Variants in PCDHA11 observed in about 807,000 individuals in gnomAD.
PCDHA11 encodes protocadherin alpha 11.
In PCDHA11, 61 loss-of-function variants were observed where a neutral mutation model predicts 70.3. That is an observed-to-expected ratio of 0.87 (90% CI 0.71 to 1.07). The LOEUF is 1.07. Among genes scored for constraint, PCDHA11 ranks in the 50% least tolerant of loss-of-function variants. The pLI, the probability that PCDHA11 is intolerant of heterozygous loss-of-function variation, is 0.00. For missense variants in PCDHA11, 1,324 were observed against 1,237.5 expected (o/e 1.07, Z -1.05); for synonymous variants, 633 against 555.1 (o/e 1.14, Z -1.97).
At chr5:141,001,455 G>T (rs2098019131) in intron 3 of PCDHA11, among the ~76,000 whole-genome samples, 1 of 152,210 alleles carries the variant, frequency 6.6e-6, no homozygotes, top group Non-Finnish European at 1.5e-5. Flanking sequence ...ACTGTCAATT[G>T]AAGGACTAAG....
intron 3 of PCDHA11, among the ~76,000 whole-genome samples, chr5:141,008,123 G>A (rs1437358425): frequency 6.6e-6 from 1 of 152,144 alleles, no homozygotes; most frequent in East Asian, 1.9e-4. Context: ...GTTTCAAGAA[G>A]GGGATGACAA....
intron 1 of PCDHA11, among the ~76,000 whole-genome samples, chr5:140,925,484 T>C (rs1178019565): frequency 6.6e-6 from 1 of 152,066 alleles, no homozygotes; most frequent in Admixed American, 6.6e-5. Flanking sequence ...CTCATAGAAC[T>C]GATCACTGTC....
At chr5:140,986,213 C>T (rs1554247816) in intron 3 of PCDHA11, among the ~76,000 whole-genome samples, 2 of 152,208 alleles carry the variant, frequency 1.3e-5, no homozygotes, top group Non-Finnish European at 2.9e-5. Context: ...TTACTGGCCC[C>T]TTTCTCTAGC....
At chr5:140,873,816 A>G (rs1419963733) in intron 1 of PCDHA11, among the ~76,000 whole-genome samples, 3 of 151,528 alleles carry the variant, frequency 2.0e-5, no homozygotes, top group East Asian at 3.9e-4. Context: ...ATGCACCACC[A>G]CTCCTGGCTA....
At chr5:140,923,480 C>G (rs1554201462) in intron 1 of PCDHA11, among the ~76,000 whole-genome samples, 1 of 152,064 alleles carries the variant, frequency 6.6e-6, no homozygotes, top group African/African-American at 2.4e-5. Context: ...AGTGAGCCAT[C>G]TTCACACCAC....
In PCDHA11 at chr5:140,869,562, A is replaced by G. The variant is rs373044645; in HGVS notation, c.459A>G (p.Pro153=). The G allele has an allele frequency of 8.1e-6, 13 of 1,614,050 alleles. No homozygotes were observed. Among genetic ancestry groups the G allele is most frequent in the South Asian group, 2.2e-5 (2 of 91,092 alleles). Residue 153 remains proline, a synonymous_variant, in exon 1 of 4, where the codon CCA becomes CCG. Transcript: ENST00000398640. ...CTAAGCAATCGGACTCGCGTTTTCC[A>G]CTAGAGGGAGCTTCTGATGCTGACA... The part of the protein sequence containing the change: ...AESKQSDSRF[P]LEGASDADIE...
In PCDHA11 at chr5:140,869,225, A is replaced by G. The variant is rs2050944514; in HGVS notation, c.122A>G (p.His41Arg). The G allele has an allele frequency of 6.2e-7, 1 of 1,613,790 alleles. No homozygotes were observed. The highest frequency in any genetic ancestry group is 1.3e-5 in the African/African-American group (1 of 75,046). ...TACTCCGTCTCGGAGGAGGCCAAAC[A>G]CGGCACCTTCGTGGGCCGCATCGCG... Reference protein sequence around the residue: ...LHYSVSEEAKHGTFVGRIAQD... With the variant: ...LHYSVSEEAKRGTFVGRIAQD... Residue 41 changes from histidine to arginine, a missense_variant, in exon 1 of 4, where the codon CAC becomes CGC. Coordinates refer to ENST00000398640, the MANE Select transcript of PCDHA11 (RefSeq NM_018902.5).
intron 1 of PCDHA11, among the ~76,000 whole-genome samples, chr5:140,921,828 A>C (rs1209455799): frequency 6.6e-6 from 1 of 152,126 alleles, no homozygotes; most frequent in Non-Finnish European, 1.5e-5. Flanking sequence ...ATATCTATAC[A>C]CATATAGACA....
intron 1 of PCDHA11, among the ~76,000 whole-genome samples, chr5:140,943,353 G>A (rs2093481887): frequency 6.6e-6 from 1 of 151,602 alleles, no homozygotes; most frequent in Non-Finnish European, 1.5e-5. Flanking sequence ...TGAGAGTAGA[G>A]GAAAGGAGAT....
intron 1 of PCDHA11, among the ~76,000 whole-genome samples, chr5:140,975,450 G>T (rs1175028711): frequency 6.6e-6 from 1 of 152,174 alleles, no homozygotes. Context: ...AGGGATCTTG[G>T]GGCCATCTTG....
In PCDHA11 at chr5:140,927,151, T is replaced by C. The variant is rs781865588; in HGVS notation, c.2392-51798T>C. ...AGAGCCGGCGGACCGCGAACAGCTGTGCAGGGCCAAAGCTGCCTGCGTCTT... is the reference window on the plus strand; with the variant it reads ...AGAGCCGGCGGACCGCGAACAGCTGCGCAGGGCCAAAGCTGCCTGCGTCTT... On this transcript the variant is annotated intron_variant, in intron 1 of 3. Coordinates refer to ENST00000398640, the MANE Select transcript of PCDHA11 (RefSeq NM_018902.5). 15 of 1,614,128 alleles carry C rather than the reference T, an allele frequency of 9.3e-6. No homozygotes were observed. In the East Asian group the frequency reaches 3.3e-4, roughly 36 times the overall value.
chr5:140,997,820 T>C (rs2097787131), intron 3 of PCDHA11, among the ~76,000 whole-genome samples: 1 of 152,170 alleles, frequency 6.6e-6, no homozygotes. Flanking sequence ...GGTATCTATG[T>C]TTTCTAAACA....
intron 1 of PCDHA11, chr5:140,967,210 C>T (rs146322183): frequency 1.4e-4 from 231 of 1,613,674 alleles, no homozygotes; most frequent in Admixed American, 5.0e-4. Flanking sequence ...CACCGCGTTT[C>T]CCGCGGCCCA....
intron 1 of PCDHA11, among the ~76,000 whole-genome samples, chr5:140,880,028 G>A (rs577776398): frequency 1.2e-4 from 19 of 152,308 alleles, no homozygotes; most frequent in African/African-American, 4.6e-4. Flanking sequence ...AAATCCACAA[G>A]TTCCAGGGAT....
At chr5:140,997,816 T>C (rs1363819907) in intron 3 of PCDHA11, among the ~76,000 whole-genome samples, 1 of 152,232 alleles carries the variant, frequency 6.6e-6, no homozygotes, top group African/African-American at 2.4e-5. Flanking sequence ...TGTTGGTATC[T>C]ATGTTTTCTA....
chr5:140,919,982 G>A (rs2079388824), intron 1 of PCDHA11, among the ~76,000 whole-genome samples: 2 of 151,998 alleles, frequency 1.3e-5, no homozygotes, highest in Admixed American at 6.5e-5. Context: ...GATAGAAGAT[G>A]GAAAACAGAC....
chr5:140,928,602 G>A (rs927910920), intron 1 of PCDHA11: 26 of 1,614,058 alleles, frequency 1.6e-5, no homozygotes, highest in Non-Finnish European at 2.2e-5. Context: ...TGGAAATTGT[G>A]CCCCGCTCTG....
At chr5:140,891,409 C>T (rs1295005747) in intron 1 of PCDHA11, among the ~76,000 whole-genome samples, 1 of 148,202 alleles carries the variant, frequency 6.7e-6, no homozygotes, top group Non-Finnish European at 1.5e-5. Context: ...CGCCACCCCC[C>T]ACTCTTGCCC....
At chr5:140,973,107 G>A (rs2096572271) in intron 1 of PCDHA11, among the ~76,000 whole-genome samples, 1 of 152,192 alleles carries the variant, frequency 6.6e-6, no homozygotes, top group South Asian at 2.1e-4. Flanking sequence ...TTATGAAAGA[G>A]TAGCAGAGAT....
Sources: gnomAD v4.1 joint callset for allele counts (sites outside exome capture counted in the v4.1 genomes callset) on GRCh38, gnomAD v4.1.1 for gene constraint, MANE v1.5 for transcripts, NCBI Gene and HGNC (gene_info 2026-07-23, HGNC 2026-07-21) for gene names.